The following TYW1B variants were observed in gnomAD, a reference collection of about 807,000 sequenced individuals.
TYW1B encodes the protein S-adenosyl-L-methionine-dependent tRNA 4-demethylwyosine synthase TYW1B.
In TYW1B, 73 loss-of-function variants were observed where a neutral mutation model predicts 86.9. The ratio of observed to expected loss-of-function variants is 0.84; its 90% CI spans 0.70 to 1.02. The LOEUF (loss-of-function observed/expected upper bound fraction) is 1.02. TYW1B is among the 50% of genes least tolerant of loss of function. The pLI is 0.00. For missense variants in TYW1B, 637 were observed against 827.4 expected (o/e 0.77, Z 2.82); for synonymous variants, 248 against 292.8 (o/e 0.85, Z 1.56).
intron 6 of TYW1B, among the ~76,000 whole-genome samples, chr7:72,787,480 G>C (rs1244113167): frequency 7.1e-6 from 1 of 140,634 alleles, no homozygotes; most frequent in African/African-American, 2.6e-5. Context: ...AAATAGGCGA[G>C]GCATGGTGGC....
chr7:72,687,068 C>T (rs1554449569), intron 11 of TYW1B, among the ~76,000 whole-genome samples: 2 of 152,084 alleles, frequency 1.3e-5, no homozygotes, highest in African/African-American at 2.4e-5. Context: ...TAAACATATG[C>T]TTTTTTAAAA....
chr7:72,806,602 CTG>C (rs1788499519), intron 5 of TYW1B, among the ~76,000 whole-genome samples: 1 of 151,946 alleles, frequency 6.6e-6, no homozygotes, highest in Non-Finnish European at 1.5e-5. Context: ...CTCTCTCTCT[CTG>C]AAACACCACC....
chr7:72,637,844 G>T (rs1410305892), intron 11 of TYW1B, among the ~76,000 whole-genome samples: 1 of 150,658 alleles, frequency 6.6e-6, no homozygotes, highest in African/African-American at 2.4e-5. Flanking sequence ...TTTTCATTGG[G>T]AACAGACTTC....
chr7:72,750,378 C>G (rs1787479350), intron 7 of TYW1B, among the ~76,000 whole-genome samples: 1 of 152,116 alleles, frequency 6.6e-6, no homozygotes, highest in African/African-American at 2.4e-5. Flanking sequence ...ACTTGAAATC[C>G]TATTGTGCTA....
chr7:72,769,086 T>G (rs1323347287), intron 7 of TYW1B: 1 of 377,912 alleles, frequency 2.6e-6, no homozygotes, highest in Admixed American at 3.5e-5. Flanking sequence ...GGCTAGTCTG[T>G]GGGATGGGCA....
intron 6 of TYW1B, among the ~76,000 whole-genome samples, chr7:72,799,953 T>C (rs1467845185): frequency 2.0e-5 from 3 of 152,140 alleles, no homozygotes; most frequent in Non-Finnish European, 4.4e-5. Flanking sequence ...ACAGAAAAGC[T>C]TTCTCCAGGT....
chr7:72,612,798 A>G (rs1222463714), intron 13 of TYW1B, among the ~76,000 whole-genome samples: 1 of 152,034 alleles, frequency 6.6e-6, no homozygotes, highest in Non-Finnish European at 1.5e-5. Flanking sequence ...TGCCCAGAAT[A>G]AAGTGCAATG....
rs1399367920 is a variant in TYW1B, at chr7:72,749,914, T to TG, written c.965-5314_965-5313insC. On this transcript the variant is annotated intron_variant, in intron 7 of 13. Transcript: ENST00000620995. ...TTAATTCTATGTTGGTTTTTTTTGT[T>TG]TTTTTTTTTTTTTTGAGACAAGGTC... Among the ~76,000 whole-genome samples the TG allele has an allele frequency of 2.9e-4, 43 of 146,338 alleles. 1 individual carries two copies. The highest frequency in any genetic ancestry group is 1.1e-3 in the South Asian group (5 of 4,654).
At chr7:72,700,623 T>C (rs1814442866) in intron 10 of TYW1B, among the ~76,000 whole-genome samples, 1 of 152,216 alleles carries the variant, frequency 6.6e-6, no homozygotes, top group South Asian at 2.1e-4. Flanking sequence ...TTTGTTCAAA[T>C]ATTCTTTCTT....
chr7:72,760,489 TA>T (rs1321415689), intron 7 of TYW1B, among the ~76,000 whole-genome samples: 1 of 152,210 alleles, frequency 6.6e-6, no homozygotes, highest in East Asian at 1.9e-4. Flanking sequence ...AAATGAAAAC[TA>T]TAAGATCTTT....
chr7:72,731,393 C>CAAAAAGAA (rs1787104563), intron 8 of TYW1B, among the ~76,000 whole-genome samples: 1 of 33,060 alleles, frequency 3.0e-5, no homozygotes, highest in Admixed American at 4.4e-4. Flanking sequence ...TACCAAACTG[C>CAAAAAGAA]AAAAAAAAAA....
chr7:72,782,103 G>C (rs1254030547), intron 6 of TYW1B, among the ~76,000 whole-genome samples: 4 of 151,938 alleles, frequency 2.6e-5, no homozygotes, highest in Non-Finnish European at 5.9e-5. Flanking sequence ...GGGCAACATA[G>C]TGAGATCCCA....
intron 9 of TYW1B, among the ~76,000 whole-genome samples, chr7:72,718,076 G>A (rs1201523137): frequency 1.3e-5 from 2 of 152,144 alleles, no homozygotes; most frequent in South Asian, 2.1e-4. Flanking sequence ...CATGACCTAA[G>A]TGTCCATCAA....
intron 8 of TYW1B, among the ~76,000 whole-genome samples, chr7:72,737,350 C>G (rs13306892): frequency 6.6e-6 from 1 of 152,124 alleles, no homozygotes; most frequent in African/African-American, 2.4e-5. Flanking sequence ...TTTAATTAGA[C>G]CTTTCTAAAA....
At chr7:72,722,782 G>C (rs1311291341) in intron 9 of TYW1B, 2 of 402,916 alleles carry the variant, frequency 5.0e-6, no homozygotes, top group African/African-American at 2.1e-5. Context: ...AACTGAACCA[G>C]ACCCAGGACA....
At chr7:72,683,168 A>C (rs1361445375) in intron 11 of TYW1B, among the ~76,000 whole-genome samples, 1 of 152,184 alleles carries the variant, frequency 6.6e-6, no homozygotes, top group Non-Finnish European at 1.5e-5. Context: ...ATGTAAGAAA[A>C]GGGAAATAGC....
intron 2 of TYW1B, 70 bp from the exon 3 acceptor site, chr7:72,815,551 T>C: frequency 7.1e-7 from 1 of 1,399,460 alleles, no homozygotes; most frequent in Non-Finnish European, 9.9e-7. Context: ...TTACCCCTGT[T>C]GGCACAAGAA....
intron 13 of TYW1B, among the ~76,000 whole-genome samples, chr7:72,586,060 C>G (rs1811268106): frequency 1.3e-5 from 2 of 152,124 alleles, no homozygotes; most frequent in South Asian, 4.1e-4. Context: ...CTAGAAGGAC[C>G]CACAGAACTC....
intron 6 of TYW1B, among the ~76,000 whole-genome samples, chr7:72,794,313 T>C (rs1554474108): frequency 6.6e-6 from 1 of 152,088 alleles, no homozygotes; most frequent in African/African-American, 2.4e-5. Context: ...CCCAACACTT[T>C]GGGAGGCTCA....
Sources: gnomAD v4.1 joint callset for allele counts (sites outside exome capture counted in the v4.1 genomes callset) on GRCh38, gnomAD v4.1.1 for gene constraint, MANE v1.5 for transcripts, NCBI Gene and HGNC (gene_info 2026-07-23, HGNC 2026-07-21) for gene names.